NRXN3: variants seen among roughly 807,000 people sequenced by gnomAD.
The protein encoded by NRXN3 is neurexin III.
A neutral mutation model predicts 137.6 loss-of-function variants in NRXN3; 32 were observed. The ratio of observed to expected loss-of-function variants is 0.23; its 90% CI spans 0.18 to 0.31. NRXN3 has a LOEUF of 0.31. Among genes scored for constraint, NRXN3 ranks in the 10% least tolerant of loss-of-function variants. The pLI is 1.00. For missense variants in NRXN3, 1,574 were observed against 2,062.5 expected (o/e 0.76, Z 4.59); for synonymous variants, 798 against 784.5 (o/e 1.02, Z -0.29).
intron 4 of NRXN3, among the ~76,000 whole-genome samples, chr14:78,573,048 C>T (rs1370087399): frequency 6.6e-6 from 1 of 152,124 alleles, no homozygotes; most frequent in Non-Finnish European, 1.5e-5. Flanking sequence ...CTCACAAGAT[C>T]CGATGGTATA....
chr14:79,092,765 G>C (rs2049453134), intron 15 of NRXN3, among the ~76,000 whole-genome samples: 1 of 152,130 alleles, frequency 6.6e-6, no homozygotes, highest in Non-Finnish European at 1.5e-5. Flanking sequence ...AGGAGTGTGA[G>C]AAACTCCCAC....
intron 4 of NRXN3, among the ~76,000 whole-genome samples, chr14:78,304,299 C>T (rs35471648): frequency 0.14 from 20,715 of 152,190 alleles, 1,823 homozygotes; most frequent in Admixed American, 0.2. Context: ...TATTCTTAGA[C>T]ATTTGTCAGA....
intron 4 of NRXN3, among the ~76,000 whole-genome samples, chr14:78,472,887 T>A (rs1367250502): frequency 6.6e-6 from 1 of 151,180 alleles, no homozygotes; most frequent in Non-Finnish European, 1.5e-5. Context: ...TCAGGTGAAA[T>A]GGATTTAGCC....
chr14:79,453,163 C>G (rs1483089448), intron 15 of NRXN3, among the ~76,000 whole-genome samples: 1 of 152,046 alleles, frequency 6.6e-6, no homozygotes, highest in East Asian at 1.9e-4. Context: ...CGTGGTGGCT[C>G]ACACCTGTAA....
chr14:79,834,104 T>C (rs913214551), intron 20 of NRXN3, among the ~76,000 whole-genome samples: 1 of 152,178 alleles, frequency 6.6e-6, no homozygotes, highest in Admixed American at 6.6e-5. Flanking sequence ...AAAACAACTA[T>C]ATAGACAGAC....
intron 10 of NRXN3, among the ~76,000 whole-genome samples, chr14:78,887,669 G>C (rs1247075596): frequency 6.6e-6 from 1 of 152,004 alleles, no homozygotes; most frequent in Admixed American, 6.6e-5. Flanking sequence ...TAAAATACGA[G>C]TAAACATTTT....
chr14:79,485,035 TG>T (rs1567252360), intron 16 of NRXN3, among the ~76,000 whole-genome samples: 1 of 152,264 alleles, frequency 6.6e-6, no homozygotes, highest in Middle Eastern at 3.4e-3. Context: ...TTACCTATAA[TG>T]TTCATGTTTC....
At chr14:78,271,005 T>C (rs2072635888) in intron 2 of NRXN3, among the ~76,000 whole-genome samples, 1 of 152,218 alleles carries the variant, frequency 6.6e-6, no homozygotes, top group African/African-American at 2.4e-5. Context: ...CCGTGTGTGT[T>C]ATGAGTCCCA....
intron 20 of NRXN3, among the ~76,000 whole-genome samples, chr14:79,831,030 G>A (rs2099321637): frequency 6.6e-6 from 1 of 151,928 alleles, no homozygotes; most frequent in South Asian, 2.1e-4. Context: ...TCAGGAACGT[G>A]TTGACATGAG....
chr14:79,339,698 A>T (rs1290283574), intron 15 of NRXN3, among the ~76,000 whole-genome samples: 1 of 152,186 alleles, frequency 6.6e-6, no homozygotes, highest in Non-Finnish European at 1.5e-5. Flanking sequence ...GATTATAGCC[A>T]AGGTCTTTGG....
intron 8 of NRXN3, among the ~76,000 whole-genome samples, chr14:78,735,101 C>G (rs1595338097): frequency 6.6e-6 from 1 of 151,952 alleles, no homozygotes; most frequent in African/African-American, 2.4e-5. Context: ...GGGCATTGAC[C>G]AGGGATGTGA....
intron 15 of NRXN3, among the ~76,000 whole-genome samples, chr14:79,179,550 A>C (rs1238830277): frequency 6.6e-6 from 1 of 152,204 alleles, no homozygotes; most frequent in African/African-American, 2.4e-5. Context: ...GGAGGAACCC[A>C]GCAATTTGCG....
chr14:79,285,100 T>A (rs1238386237), intron 15 of NRXN3, among the ~76,000 whole-genome samples: 1 of 152,050 alleles, frequency 6.6e-6, no homozygotes, highest in Non-Finnish European at 1.5e-5. Context: ...CTTCAGGACT[T>A]TCAACATGGA....
chr14:79,345,400 T>C (rs2092817170), intron 15 of NRXN3, among the ~76,000 whole-genome samples: 1 of 152,174 alleles, frequency 6.6e-6, no homozygotes, highest in Non-Finnish European at 1.5e-5. Flanking sequence ...CACCAGACTG[T>C]GTAATGTGGG....
chr14:78,213,036 G>A (rs2062897242), intron 1 of NRXN3, among the ~76,000 whole-genome samples: 1 of 152,164 alleles, frequency 6.6e-6, no homozygotes, highest in Non-Finnish European at 1.5e-5. Flanking sequence ...TTAAAAAACT[G>A]TTCTGAGGAG....
At chr14:78,410,861 A>C (rs1037569365) in intron 4 of NRXN3, among the ~76,000 whole-genome samples, 4 of 152,230 alleles carry the variant, frequency 2.6e-5, no homozygotes, top group Non-Finnish European at 4.4e-5. Context: ...TAGGGGAGTT[A>C]TTAGACAGGG....
intron 8 of NRXN3, among the ~76,000 whole-genome samples, chr14:78,785,968 TAC>T (rs925341692): frequency 2.8e-4 from 43 of 152,350 alleles, no homozygotes; most frequent in Admixed American, 2.5e-3. Context: ...ATATGCTGTT[TAC>T]AGTCAAAATG....
intron 16 of NRXN3, among the ~76,000 whole-genome samples, chr14:79,612,440 G>A (rs1021540149): frequency 6.6e-6 from 1 of 152,186 alleles, no homozygotes; most frequent in South Asian, 2.1e-4. Context: ...AAAGTCCAGG[G>A]GAAAGGACAG....
intron 15 of NRXN3, among the ~76,000 whole-genome samples, chr14:79,315,817 T>A (rs1472869464): frequency 6.6e-6 from 1 of 152,212 alleles, no homozygotes; most frequent in African/African-American, 2.4e-5. Context: ...GAAGTTATAC[T>A]TTAGAAAACA....
Sources: allele counts gnomAD v4.1 joint callset (sites outside exome capture counted in the v4.1 genomes callset), GRCh38; gene constraint gnomAD v4.1.1; transcripts MANE v1.5; gene names NCBI Gene and HGNC (gene_info 2026-07-23, HGNC 2026-07-21).